FER: variants seen among roughly 807,000 people sequenced by gnomAD.
The protein encoded by FER is FER tyrosine kinase, also known as tyrosine-protein kinase Fer.
Under a neutral mutation model 111.0 loss-of-function variants are expected in FER, and 63 were observed. That is an observed-to-expected ratio of 0.57 (90% CI 0.46 to 0.70). FER has a LOEUF of 0.70. Among genes scored for constraint, FER ranks in the 30% least tolerant of loss-of-function variants. FER has a pLI of 0.00. For synonymous variants in FER, 327 were observed against 313.9 expected (o/e 1.04, Z -0.44); for missense variants, 914 against 954.0 (o/e 0.96, Z 0.55).
chr5:109,147,727 ACAAACATG>A (rs1444912533), intron 17 of FER, among the ~76,000 whole-genome samples: 1 of 151,532 alleles, frequency 6.6e-6, no homozygotes, highest in African/African-American at 2.4e-5. Flanking sequence ...ATCAGTGCAT[ACAAACATG>A]CAAACATGTA....
intron 3 of FER, among the ~76,000 whole-genome samples, chr5:108,832,390 C>T (rs909273388): frequency 7.2e-5 from 11 of 152,126 alleles, no homozygotes; most frequent in South Asian, 2.1e-4. Context: ...GGGACAATGT[C>T]TGTTGCATTT....
intron 17 of FER, among the ~76,000 whole-genome samples, chr5:109,162,102 G>T (rs945671225): frequency 3.3e-5 from 5 of 152,038 alleles, no homozygotes; most frequent in Admixed American, 6.6e-5. Context: ...GAGTTGTTTG[G>T]TTTTTTCTTG....
chr5:109,051,876 C>T (rs1022427950), intron 16 of FER: 3 of 1,557,940 alleles, frequency 1.9e-6, no homozygotes, highest in South Asian at 1.1e-5. Context: ...AGCAGTCCAC[C>T]TGATGTGGGC....
chr5:109,187,293 G>C, intron 19 of FER, 140 bp from the exon 20 acceptor site: 1 of 780,626 alleles, frequency 1.3e-6, no homozygotes, highest in South Asian at 2.1e-5. Flanking sequence ...TAAAAACTCA[G>C]CCTCCCCAGA....
chr5:108,852,997 A>G (rs1041328494), intron 5 of FER, among the ~76,000 whole-genome samples: 1 of 152,152 alleles, frequency 6.6e-6, no homozygotes, highest in Admixed American at 6.5e-5. Flanking sequence ...AACAAAGCTA[A>G]GTTCTACACA....
At chr5:108,996,337 A>G (rs1763974047) in intron 13 of FER, among the ~76,000 whole-genome samples, 1 of 152,206 alleles carries the variant, frequency 6.6e-6, no homozygotes, top group Admixed American at 6.5e-5. Flanking sequence ...GTCTTTGCCC[A>G]TGCCCATGTC....
chr5:109,101,093 T>C (rs1303551007), intron 17 of FER, among the ~76,000 whole-genome samples: 1 of 151,990 alleles, frequency 6.6e-6, no homozygotes, highest in African/African-American at 2.4e-5. Flanking sequence ...TCTGATTGTA[T>C]GTAGTGACCT....
intron 5 of FER, among the ~76,000 whole-genome samples, chr5:108,863,669 G>T (rs1164376413): frequency 2.0e-5 from 3 of 151,836 alleles, no homozygotes; most frequent in Non-Finnish European, 2.9e-5. Context: ...CTTCTCTAGG[G>T]ATTTATTTTA....
chr5:109,043,963 C>G (rs1561817653), intron 14 of FER, among the ~76,000 whole-genome samples: 1 of 151,160 alleles, frequency 6.6e-6, no homozygotes, highest in Non-Finnish European at 1.5e-5. Context: ...GAGTGAGACT[C>G]TGTCTCAGAA....
chr5:109,088,178 G>A (rs999624065), intron 16 of FER, among the ~76,000 whole-genome samples: 11 of 151,920 alleles, frequency 7.2e-5, no homozygotes, highest in African/African-American at 2.7e-4. Context: ...TAGAGAGAAA[G>A]CATTTGATTC....
chr5:109,173,690 A>T (rs1292339215), intron 17 of FER, among the ~76,000 whole-genome samples: 1 of 151,836 alleles, frequency 6.6e-6, no homozygotes, highest in African/African-American at 2.4e-5. Flanking sequence ...TAAGACTGTG[A>T]TGTCTATTCA....
chr5:109,124,592 TGTTG>T (rs1751432379), intron 17 of FER, among the ~76,000 whole-genome samples: 4 of 103,076 alleles, frequency 3.9e-5, no homozygotes, highest in African/African-American at 1.4e-4. Flanking sequence ...ATAGTTTTGT[TGTTG>T]TTGTTGTTGT....
intron 17 of FER, among the ~76,000 whole-genome samples, chr5:109,156,259 G>C (rs969398638): frequency 1.3e-5 from 2 of 151,980 alleles, no homozygotes; most frequent in Non-Finnish European, 2.9e-5. Flanking sequence ...GTAGTTGATA[G>C]ATTTGAAAGG....
At chr5:109,186,795 C>T (rs982547116) in intron 19 of FER, among the ~76,000 whole-genome samples, 1 of 152,202 alleles carries the variant, frequency 6.6e-6, no homozygotes, top group Non-Finnish European at 1.5e-5. Context: ...GGCTTGCATG[C>T]ACTTGTGTAG....
chr5:108,943,967 C>T (rs1322870600), intron 10 of FER, among the ~76,000 whole-genome samples: 1 of 152,026 alleles, frequency 6.6e-6, no homozygotes, highest in African/African-American at 2.4e-5. Context: ...CTCCTGGGTT[C>T]GAGCAATACT....
chr5:108,979,873 C>T (rs1448669834), intron 13 of FER, among the ~76,000 whole-genome samples: 4 of 151,896 alleles, frequency 2.6e-5, no homozygotes, highest in African/African-American at 7.3e-5. Flanking sequence ...TAGATATGTG[C>T]GGGTCATCTG....
intron 13 of FER, among the ~76,000 whole-genome samples, chr5:109,021,802 T>C (rs1172367596): frequency 1.3e-5 from 2 of 152,120 alleles, no homozygotes; most frequent in Non-Finnish European, 2.9e-5. Flanking sequence ...AATGTGTGCA[T>C]TTTGTTCCTA....
chr5:108,788,443 G>C (rs534518083), intron 2 of FER, among the ~76,000 whole-genome samples: 1 of 152,148 alleles, frequency 6.6e-6, no homozygotes, highest in East Asian at 1.9e-4. Flanking sequence ...TGAGTTCAGC[G>C]GGCACAAGTG....
At chr5:108,804,867 G>A (rs558226012) in intron 3 of FER, among the ~76,000 whole-genome samples, 6 of 151,870 alleles carry the variant, frequency 4.0e-5, no homozygotes, top group Non-Finnish European at 8.8e-5. Flanking sequence ...AATGAATTAG[G>A]TAGAATTCCC....
Sources: allele counts gnomAD v4.1 joint callset (sites outside exome capture counted in the v4.1 genomes callset), GRCh38; gene constraint gnomAD v4.1.1; transcripts MANE v1.5; gene names NCBI Gene and HGNC (gene_info 2026-07-23, HGNC 2026-07-21).